The following C1orf141 variants were observed in gnomAD, a reference collection of about 807,000 sequenced individuals.
The protein encoded by C1orf141 is uncharacterized protein C1orf141.
Under a neutral mutation model 23.2 loss-of-function variants are expected in C1orf141, and 19 were observed. The ratio of observed to expected loss-of-function variants is 0.82; its 90% CI spans 0.57 to 1.20. C1orf141 has a LOEUF of 1.20. Ranked by LOEUF, C1orf141 falls within the 50% of genes most tolerant of loss-of-function variation. The pLI, the probability that C1orf141 is intolerant of heterozygous loss-of-function variation, is 0.00. For synonymous variants in C1orf141, 153 were observed against 154.6 expected (o/e 0.99, Z 0.08); for missense variants, 469 against 455.1 (o/e 1.03, Z -0.28).
At chr1:67,104,980 T>C (rs1006158912) in intron 5 of C1orf141, among the ~76,000 whole-genome samples, 8 of 152,210 alleles carry the variant, frequency 5.3e-5, no homozygotes, top group Non-Finnish European at 2.9e-5. Flanking sequence ...TTAACAACTA[T>C]TATTGATAAG....
In C1orf141 at chr1:67,127,024, T is replaced by C; in HGVS notation, c.75+142A>G. On this transcript the variant is annotated intron_variant, in intron 3 of 7. Transcript: ENST00000684719. ...AATTTTTATATTTGTATACATTACA[T>C]TTTCAACTAGTATAATTAGTTGCTT... 8 of 475,910 alleles carry C rather than the reference T, an allele frequency of 1.7e-5. No homozygotes were observed. In the East Asian group the frequency reaches 2.8e-4, roughly 16 times the overall value. 29.5% of individuals were successfully genotyped at this position (475,910 alleles called of 1,614,324 possible).
intron 5 of C1orf141, chr1:67,113,846 C>T (rs932560074): frequency 8.6e-6 from 4 of 465,872 alleles, no homozygotes; most frequent in Non-Finnish European, 1.6e-5. Flanking sequence ...CTGCTGAAAA[C>T]ACCTTAAAAG....
chr1:67,093,294 G>A lies in C1orf141; in HGVS notation c.914C>T (p.Thr305Ile), dbSNP rs762515056. ...TGTATTCCAAGATCTGTTTTCTAGT[G>A]TCTGCTTATTAGTTTTCTTCTTTAG... ...DKLKKKTNKQ[T>I]LENRSWNTLY... Residue 305 changes from threonine to isoleucine, a missense_variant, in exon 8 of 8, where the codon ACA becomes ATA. Physicochemically the swap from Thr to Ile is moderately conservative, Grantham distance 89. Transcript: ENST00000684719. 1.9e-6 allele frequency: 3 copies of A among 1,613,622 alleles called. No homozygotes were observed. The Admixed American group carries it at 5.0e-5, about 27-fold the overall frequency.
rs752809949 is a variant in C1orf141 at position 67,125,889 on chromosome 1, T to G, written c.96A>C (p.Glu32Asp). The G allele has an allele frequency of 6.2e-7, 1 of 1,608,434 alleles. No individual in the cohort carries two copies. Among genetic ancestry groups the G allele is most frequent in the South Asian group, 1.1e-5 (1 of 90,886 alleles). Residue 32 changes from glutamate (E) to aspartate (D), a missense_variant, in exon 4 of 8, where the codon GAA becomes GAC. This residue lies in a region of C1orf141 where 95 missense variants were observed against 90.3 expected (regional missense o/e 1.05). Transcript: ENST00000684719. ...GTATAGCCATAGTTGTTTTTCTTCC[T>G]TCACTCTGAAGCCTGTTTATCTGCA... ...RRTKINRLQSEGRKTTMAIPL... is the reference protein window; with the variant it reads ...RRTKINRLQSDGRKTTMAIPL...
intron 5 of C1orf141, among the ~76,000 whole-genome samples, chr1:67,096,992 A>G (rs1645695314): frequency 6.6e-6 from 1 of 152,152 alleles, no homozygotes; most frequent in Non-Finnish European, 1.5e-5. Flanking sequence ...GCACACCTAT[A>G]ACCCCCTCCA....
chr1:67,130,057 T>C (rs1646489184), intron 2 of C1orf141, among the ~76,000 whole-genome samples: 1 of 152,196 alleles, frequency 6.6e-6, no homozygotes, highest in Non-Finnish European at 1.5e-5. Flanking sequence ...TTTCTGGATT[T>C]CTTACAGGAC....
chr1:67,138,664 G>A (rs954638110), upstream of C1orf141, among the ~76,000 whole-genome samples: 3 of 152,162 alleles, frequency 2.0e-5, no homozygotes, highest in Non-Finnish European at 4.4e-5. Context: ...AGTTCTGATT[G>A]TCTTTCTAGC....
chr1:67,118,835 G>C (rs770506535), intron 4 of C1orf141, among the ~76,000 whole-genome samples: 2 of 152,098 alleles, frequency 1.3e-5, no homozygotes, highest in African/African-American at 2.4e-5. Context: ...CTGCAAACCA[G>C]GAAGAATACC....
At chr1:67,108,727 C>T (rs1645992315) in intron 5 of C1orf141, among the ~76,000 whole-genome samples, 1 of 151,526 alleles carries the variant, frequency 6.6e-6, no homozygotes. Context: ...GACTCTGTCT[C>T]AAAAAAACAA....
rs1558204278 is a variant in C1orf141, at chr1:67,125,829, T to G, written c.156A>C (p.Glu52Asp). 1.2e-6 allele frequency: 2 copies of G among 1,613,814 alleles called. No individual in the cohort carries two copies. The highest frequency in any genetic ancestry group is 2.2e-5 in the East Asian group (1 of 44,874). Residue 52 changes from glutamate to aspartate, a missense_variant, in exon 4 of 8, where the codon GAA becomes GAC. Coordinates refer to ENST00000684719, the MANE Select transcript of C1orf141 (RefSeq NM_001276351.2). Reference sequence around the variant, plus strand: ...CCTTAGACGCGGATGTAGCAAGAGCTTCTTCAAATTCCAACTGAAAATCAA... The same window carrying G: ...CCTTAGACGCGGATGTAGCAAGAGCGTCTTCAAATTCCAACTGAAAATCAA... Reference protein sequence around the residue: ...LTFDFQLEFEEALATSASKAI... With the variant: ...LTFDFQLEFEDALATSASKAI...
upstream of C1orf141, among the ~76,000 whole-genome samples, chr1:67,138,462 A>G (rs1337539716): frequency 6.6e-6 from 1 of 150,844 alleles, no homozygotes; most frequent in Non-Finnish European, 1.5e-5. Flanking sequence ...CAATTACACA[A>G]CTCTCTCCTA....
At chr1:67,120,853 A>C (rs1646285207) in intron 4 of C1orf141, among the ~76,000 whole-genome samples, 1 of 152,212 alleles carries the variant, frequency 6.6e-6, no homozygotes, top group Non-Finnish European at 1.5e-5. Context: ...GTTTGGGTCA[A>C]TTTGCTGATA....
At chr1:67,101,947 G>A (rs1645810049) in intron 5 of C1orf141, among the ~76,000 whole-genome samples, 1 of 152,080 alleles carries the variant, frequency 6.6e-6, no homozygotes, top group Admixed American at 6.6e-5. Flanking sequence ...TAAACAGAGG[G>A]TTGCCTACTT....
chr1:67,094,661 T>C (rs1325995812), intron 7 of C1orf141: 1 of 152,298 alleles, frequency 6.6e-6, no homozygotes, highest in Admixed American at 6.5e-5. Flanking sequence ...TCTGGGGCTA[T>C]ATAATTAGGT....
At chr1:67,140,053 A>G (rs1219203086) in intron 1 of C1orf141, among the ~76,000 whole-genome samples, 6 of 152,176 alleles carry the variant, frequency 3.9e-5, no homozygotes, top group Admixed American at 2.0e-4. Context: ...CCCAGCAGCA[A>G]GAAGTCCCTC....
At chr1:67,113,286 G>A (rs902976145) in intron 5 of C1orf141, among the ~76,000 whole-genome samples, 13 of 152,218 alleles carry the variant, frequency 8.5e-5, no homozygotes, top group African/African-American at 3.1e-4. Context: ...GGTTGAAGAT[G>A]CAATTTAAAT....
At chr1:67,136,157 C>T (rs1385558647), upstream of C1orf141, among the ~76,000 whole-genome samples, 1 of 152,110 alleles carries the variant, frequency 6.6e-6, no homozygotes, top group Non-Finnish European at 1.5e-5. Context: ...CTCAGCCTCC[C>T]TAGTAGCTAG....
rs796928012 is a variant in C1orf141 at position 67,092,468 on chromosome 1, A to T, written c.*537T>A. On this transcript the variant is annotated 3_prime_UTR_variant, in exon 8 of 8. Coordinates refer to ENST00000684719, the MANE Select transcript of C1orf141 (RefSeq NM_001276351.2). ...TTGCAAAAACATTATATAATAATGA[A>T]GTTCCAACAGCTACTAATGACAATA... 2.6e-5 allele frequency: 4 copies of T among 152,414 alleles called. No homozygotes were observed. The highest frequency in any genetic ancestry group is 9.6e-5 in the African/African-American group (4 of 41,590). The allele number at this position is 152,414 out of a possible 1,614,324, so 9.4% of individuals were successfully genotyped here. A position where few individuals can be genotyped will look rare whatever the true frequency, so the allele number is the denominator to read the frequency against.
chr1:67,096,904 T>A (rs954170032), intron 5 of C1orf141, among the ~76,000 whole-genome samples: 2 of 152,200 alleles, frequency 1.3e-5, no homozygotes, highest in Non-Finnish European at 2.9e-5. Context: ...TACAGTATAC[T>A]GGAATAAATG....
Sources: allele counts gnomAD v4.1 joint callset (sites outside exome capture counted in the v4.1 genomes callset), GRCh38; gene constraint gnomAD v4.1.1; regional missense constraint gnomAD v4.1.1; transcripts MANE v1.5; gene names NCBI Gene and HGNC (gene_info 2026-07-23, HGNC 2026-07-21).